POLR1E: variants seen among roughly 807,000 people sequenced by gnomAD.
The protein encoded by POLR1E is RNA polymerase I subunit E.
A neutral mutation model predicts 50.9 loss-of-function variants in POLR1E; 37 were observed. That is an observed-to-expected ratio of 0.73 (90% CI 0.56 to 0.96). The LOEUF is 0.96. Ranked by LOEUF, POLR1E falls within the 40% of genes least tolerant of loss-of-function variation. The probability of loss-of-function intolerance (pLI) is 0.00; values close to 1 mark genes in which losing one functional copy is unlikely to be tolerated. For missense variants in POLR1E, 426 were observed against 518.1 expected, an observed-to-expected ratio of 0.82 and a Z score of 1.73; for synonymous variants, 166 against 191.6, an observed-to-expected ratio of 0.87 and a Z score of 1.10.
Position 37,486,759 on chromosome 9 carries a change from G to A in POLR1E, c.133G>A (p.Glu45Lys), listed in dbSNP as rs1820585784. The change falls in exon 2 of 12, where the codon GAG (glutamate) becomes AAG (lysine). Residue 45 changes from glutamate (E) to lysine (K), a missense_variant. Coordinates refer to ENST00000377798, the MANE Select transcript of POLR1E (RefSeq NM_022490.4). ...SPGNMRFTLYENKDSTNPRKR... is the reference protein window; with the variant it reads ...SPGNMRFTLYKNKDSTNPRKR... Reference sequence around the variant, plus strand: ...AGGCAACATGCGCTTTACCTTGTATGAGAACAAAGATTCCACCAACCCCAG... The same window carrying A: ...AGGCAACATGCGCTTTACCTTGTATAAGAACAAAGATTCCACCAACCCCAG... 3 of 1,614,116 alleles carry A rather than the reference G, an allele frequency of 1.9e-6. No individual in the cohort carries two copies. Among genetic ancestry groups the A allele is most frequent in the Non-Finnish European group, 2.5e-6 (3 of 1,180,040 alleles).
chr9:37,493,877 A>G (rs1220032745), intron 6 of POLR1E, among the ~76,000 whole-genome samples, 174 bp downstream of exon 6: 3 of 152,192 alleles, frequency 2.0e-5, no homozygotes, highest in Non-Finnish European at 4.4e-5. Context: ...AACATCCGAC[A>G]TGGCTTTGTC....
chr9:37,488,751 A>G (rs928979493), intron 3 of POLR1E, among the ~76,000 whole-genome samples: 3 of 151,014 alleles, frequency 2.0e-5, no homozygotes, highest in Non-Finnish European at 4.4e-5. Flanking sequence ...AATGTGATCA[A>G]CTATCAGAAT....
At chr9:37,497,972 T>C in intron 8 of POLR1E, 119 bp from the exon 9 acceptor site, 1 of 1,180,490 alleles carries the variant, frequency 8.5e-7, no homozygotes. Context: ...CAGGGTTTCA[T>C]CAGCTGTTGA....
rs147983938 is a variant in POLR1E, at chr9:37,486,045, G to C, written c.-3G>C. 6.1e-3 allele frequency: 9,814 copies of C among 1,599,086 alleles called. 72 individuals carry two copies. The highest frequency in any genetic ancestry group is 0.018 in the South Asian group (1,562 of 88,032). On this transcript the variant is annotated 5_prime_UTR_variant, in exon 1 of 12. Coordinates refer to ENST00000377798, the MANE Select transcript of POLR1E (RefSeq NM_022490.4). ...TCCTGTGCTTGGCGGACAGACAGGCGAGATGGCGGCGGAGGTGTTGCCGAG... is the reference window on the plus strand; with the variant it reads ...TCCTGTGCTTGGCGGACAGACAGGCCAGATGGCGGCGGAGGTGTTGCCGAG...
intron 5 of POLR1E, among the ~76,000 whole-genome samples, chr9:37,493,217 C>T (rs1820716046): frequency 6.6e-6 from 1 of 152,052 alleles, no homozygotes; most frequent in African/African-American, 2.4e-5. Flanking sequence ...ATCTATTAGC[C>T]CTGTCTGTTA....
intron 9 of POLR1E, among the ~76,000 whole-genome samples, chr9:37,500,159 T>TGTTTC (rs1320777445): frequency 5.8e-4 from 1 of 1,718 alleles, no homozygotes; most frequent in African/African-American, 1.0e-3. Context: ...AGTTGTTTTT[T>TGTTTC]GTTTTGTTTT....
intron 8 of POLR1E, among the ~76,000 whole-genome samples, chr9:37,497,578 G>A (rs77241068): frequency 0.013 from 1,971 of 152,314 alleles, 42 homozygotes; most frequent in African/African-American, 0.044. Flanking sequence ...GTTCATTTAC[G>A]TAAGTAATAT....
Position 37,495,923 on chromosome 9 carries a change from G to A in POLR1E, c.689G>A (p.Ser230Asn), listed in dbSNP as rs1820777453. 6.2e-7 allele frequency: 1 copy of A among 1,613,930 alleles called. No homozygotes were observed. Among genetic ancestry groups the A allele is most frequent in the Non-Finnish European group, 8.5e-7 (1 of 1,179,808 alleles). ...LSPAEYEALQ[S>N]PSEAFRNVTS... ...CCTGCGGAGTATGAAGCTCTTCAGA[G>A]CCCATCTGAAGCTTTCAGGAACGTC... Residue 230 changes from serine (S) to asparagine (N), a missense_variant, in exon 8 of 12, where the codon AGC becomes AAC. Ser to Asn is a conservative substitution (Grantham distance 46, BLOSUM62 1). Coordinates refer to ENST00000377798, the MANE Select transcript of POLR1E (RefSeq NM_022490.4).
intron 8 of POLR1E, 142 bp from the exon 9 acceptor site, chr9:37,497,949 T>C: frequency 1.0e-6 from 1 of 952,498 alleles, no homozygotes; most frequent in East Asian, 2.6e-5. Flanking sequence ...AGATGGGGTC[T>C]TGCCTTGTTG....
rs373564812 is a variant in POLR1E, at chr9:37,501,813, T to C, written c.1069T>C (p.Leu357=). 2.5e-6 allele frequency: 4 copies of C among 1,613,898 alleles called. No homozygotes were observed. Among genetic ancestry groups the C allele is most frequent in the African/African-American group, 2.7e-5 (2 of 74,900 alleles). The change falls in exon 11 of 12, where the codon TTA becomes CTA. Residue 357 remains leucine, a synonymous_variant. Coordinates refer to ENST00000377798, the MANE Select transcript of POLR1E (RefSeq NM_022490.4). ...TGACTTCCAAATTGACCTGACAGTG[T>C]TACAGAGGGACTTGAAGCTCAGTGA... ...IHDFQIDLTV[L]QRDLKLSEKR... is the part of the protein sequence containing the mutation.
chr9:37,486,709 T>C lies in POLR1E; in HGVS notation c.83T>C (p.Phe28Ser). 1 of 1,614,184 alleles carries C rather than the reference T, an allele frequency of 6.2e-7. No individual in the cohort carries two copies. Among genetic ancestry groups the C allele is most frequent in the Non-Finnish European group, 8.5e-7 (1 of 1,180,034 alleles). ...TTGGGCTGCACTCTTACAGTCCAGT[T>C]CTCCAACGGGAAGCTACAGAGTCCA... ...DGSQRAVLVQ[F>S]SNGKLQSPGN... The change falls in exon 2 of 12, where the codon TTC becomes TCC. Residue 28 changes from phenylalanine to serine, a missense_variant. Transcript: ENST00000377798.
intron 11 of POLR1E, among the ~76,000 whole-genome samples, chr9:37,502,327 CAGAT>C (rs1408340735): frequency 1.3e-5 from 2 of 152,206 alleles, no homozygotes; most frequent in Non-Finnish European, 1.5e-5. Flanking sequence ...TCCTCACAAT[CAGAT>C]GGAAGGGTTT....
In POLR1E at chr9:37,485,981, C is replaced by G. The variant is rs1052254293; in HGVS notation, c.-67C>G. The G allele has an allele frequency of 2.6e-5, 41 of 1,552,744 alleles. 1 individual carries two copies. The highest frequency in any genetic ancestry group is 1.4e-4 in the Admixed American group (7 of 51,222). On this transcript the variant is annotated 5_prime_UTR_variant, in exon 1 of 12. Coordinates refer to ENST00000377798, the MANE Select transcript of POLR1E (RefSeq NM_022490.4). ...GCCCGCAGCGCGGCCTGGGCTCCCG[C>G]GTGTTTAAAAGTGCGCTTGTGGCTG...
rs768299465 is a variant in POLR1E, at chr9:37,495,281, CCTT to C, written c.655+9_655+11del. ...ACGTGTATAAATTTGAAGATCGTAT[CCTT>C]CTTGCAGTAGAAAAGCTGCCTTATT... is the stretch of plus-strand genomic sequence containing the variant. On this transcript the variant is annotated splice_donor_region_variant and intron_variant, in intron 7 of 11. Transcript: ENST00000377798. 6.2e-7 allele frequency: 1 copy of C among 1,608,010 alleles called. No homozygotes were observed. Among genetic ancestry groups the C allele is most frequent in the African/African-American group, 1.3e-5 (1 of 74,884 alleles).
At chr9:37,501,906 C>T (rs947400010) in intron 11 of POLR1E, 62 bp downstream of exon 11, 1 of 1,540,270 alleles carries the variant, frequency 6.5e-7, no homozygotes, top group Admixed American at 2.0e-5. Context: ...TCTGGTACCA[C>T]TGGAAAGCAT....
chr9:37,499,887 G>A (rs920605550), intron 9 of POLR1E, among the ~76,000 whole-genome samples: 1 of 148,894 alleles, frequency 6.7e-6, no homozygotes, highest in Non-Finnish European at 1.5e-5. Context: ...GTCTCGCTCT[G>A]TCGCCCAGGC....
intron 7 of POLR1E, among the ~76,000 whole-genome samples, chr9:37,495,611 T>C (rs1194757845): frequency 6.6e-6 from 1 of 151,900 alleles, no homozygotes; most frequent in Admixed American, 6.6e-5. Flanking sequence ...GAAGGAAGGG[T>C]TGGAGCTTAG....
intron 4 of POLR1E, 165 bp from the exon 5 acceptor site, chr9:37,492,492 G>C: frequency 1.2e-6 from 1 of 831,542 alleles, no homozygotes; most frequent in Non-Finnish European, 1.9e-6. Context: ...GTATACTAAA[G>C]CTGCATATTA....
intron 11 of POLR1E, among the ~76,000 whole-genome samples, chr9:37,502,518 G>A (rs775792456): frequency 6.6e-6 from 1 of 152,226 alleles, no homozygotes; most frequent in Non-Finnish European, 1.5e-5. Flanking sequence ...AACCTGAACT[G>A]TGAGGTCAGC....
Sources: gnomAD v4.1 joint callset for allele counts (sites outside exome capture counted in the v4.1 genomes callset) on GRCh38, gnomAD v4.1.1 for gene constraint, MANE v1.5 for transcripts, NCBI Gene and HGNC (gene_info 2026-07-23, HGNC 2026-07-21) for gene names.